DAB1: variants seen among roughly 807,000 people sequenced by gnomAD.
DAB1 encodes DAB adaptor protein 1.
A neutral mutation model predicts 64.6 loss-of-function variants in DAB1; 15 were observed. That is an observed-to-expected ratio of 0.23 (90% CI 0.16 to 0.36). DAB1 has a LOEUF of 0.36. Among genes scored for constraint, DAB1 ranks in the 10% least tolerant of loss-of-function variants. The probability of loss-of-function intolerance (pLI) is 1.00; values close to 1 mark genes in which losing one functional copy is unlikely to be tolerated. For synonymous variants in DAB1, 235 were observed against 251.9 expected (o/e 0.93, Z 0.64); for missense variants, 596 against 706.7 (o/e 0.84, Z 1.78).
chr1:58,474,855 G>T (rs1022841162), intron 3 of DAB1, among the ~76,000 whole-genome samples: 3 of 152,176 alleles, frequency 2.0e-5, no homozygotes, highest in African/African-American at 7.2e-5. Flanking sequence ...TGTGACCTCG[G>T]TAAAGTTACA....
At chr1:57,335,307 C>T (rs1385327649) in intron 1 of DAB1, among the ~76,000 whole-genome samples, 1 of 151,774 alleles carries the variant, frequency 6.6e-6, no homozygotes, top group East Asian at 1.9e-4. Context: ...AAAAATGGGT[C>T]TTCAATCATT....
At chr1:58,074,743 G>A (rs1557639136) in intron 5 of DAB1, among the ~76,000 whole-genome samples, 1 of 151,652 alleles carries the variant, frequency 6.6e-6, no homozygotes, top group Non-Finnish European at 1.5e-5. Flanking sequence ...CCAGTATGAA[G>A]TGTTTAGATT....
intron 5 of DAB1, among the ~76,000 whole-genome samples, chr1:58,139,908 G>T (rs1654179638): frequency 6.6e-6 from 1 of 152,104 alleles, no homozygotes; most frequent in Non-Finnish European, 1.5e-5. Flanking sequence ...CTCAATAGTG[G>T]AAACTATATT....
At chr1:57,841,868 T>A (rs1367515508) in intron 1 of DAB1, among the ~76,000 whole-genome samples, 2 of 152,232 alleles carry the variant, frequency 1.3e-5, no homozygotes, top group Admixed American at 6.5e-5. Context: ...GTCTTGGCAA[T>A]TAACATTTGG....
intron 2 of DAB1, among the ~76,000 whole-genome samples, chr1:58,510,043 A>T (rs547590732): frequency 6.6e-6 from 1 of 152,280 alleles, no homozygotes; most frequent in East Asian, 1.9e-4. Flanking sequence ...CTCACTGGTG[A>T]ATGCCACCAA....
At chr1:58,017,508 A>G (rs1646758339) in intron 5 of DAB1, among the ~76,000 whole-genome samples, 1 of 152,192 alleles carries the variant, frequency 6.6e-6, no homozygotes, top group Non-Finnish European at 1.5e-5. Flanking sequence ...CTGCCCTGTC[A>G]TCTTCCTCTC....
In DAB1 at chr1:57,072,341, C is replaced by T; in HGVS notation, c.380G>A (p.Gly127Glu). 6.2e-7 allele frequency: 1 copy of T among 1,613,916 alleles called. No homozygotes were observed. The highest frequency in any genetic ancestry group is 8.5e-7 in the Non-Finnish European group (1 of 1,179,862). Residue 127 changes from glycine to glutamate, a missense_variant, in exon 5 of 15, where the codon GGA becomes GAA. Coordinates refer to ENST00000371236, the MANE Select transcript of DAB1 (RefSeq NM_001365792.1). ...AKDITDHRAF[G>E]YVCGKEGNHR... ...ATTCCCTTCCTTCCCACAAACATATCCAAAGGCCCGGTGATCTGTAATGTC... is the reference window on the plus strand; with the variant it reads ...ATTCCCTTCCTTCCCACAAACATATTCAAAGGCCCGGTGATCTGTAATGTC...
At chr1:57,280,336 T>A (rs1353554358) in intron 2 of DAB1, among the ~76,000 whole-genome samples, 1 of 152,186 alleles carries the variant, frequency 6.6e-6, no homozygotes, top group African/African-American at 2.4e-5. Context: ...CTTGCAAACA[T>A]GTGTACTCTG....
chr1:57,840,118 T>C (rs527267003), intron 1 of DAB1, among the ~76,000 whole-genome samples: 30 of 152,210 alleles, frequency 2.0e-4, no homozygotes, highest in Non-Finnish European at 3.7e-4. Context: ...TGTTATGCCA[T>C]GGGCTTTCTC....
chr1:58,544,290 G>A (rs1231977973), intron 1 of DAB1, among the ~76,000 whole-genome samples: 1 of 152,086 alleles, frequency 6.6e-6, no homozygotes, highest in African/African-American at 2.4e-5. Flanking sequence ...AATGTTTAAT[G>A]AGTGCCCACT....
chr1:58,044,149 T>C (rs899475555), intron 5 of DAB1, among the ~76,000 whole-genome samples: 2 of 152,170 alleles, frequency 1.3e-5, no homozygotes, highest in African/African-American at 4.8e-5. Flanking sequence ...TCTTTTTGAG[T>C]TTCTGATTAT....
intron 6 of DAB1, among the ~76,000 whole-genome samples, chr1:57,816,345 C>G (rs2101890629): frequency 6.6e-6 from 1 of 152,300 alleles, no homozygotes; most frequent in South Asian, 2.1e-4. Flanking sequence ...CAACACCTTC[C>G]TCTAGTTGTT....
chr1:58,357,081 A>G (rs1453827653), intron 3 of DAB1, among the ~76,000 whole-genome samples: 1 of 151,964 alleles, frequency 6.6e-6, no homozygotes, highest in Non-Finnish European at 1.5e-5. Context: ...TCTAGATGAA[A>G]TGTGAAGCCA....
intron 1 of DAB1, among the ~76,000 whole-genome samples, chr1:57,833,108 A>G (rs1183267571): frequency 6.6e-6 from 1 of 151,552 alleles, no homozygotes; most frequent in African/African-American, 2.4e-5. Context: ...CTTTTCTAGG[A>G]TATTTGTAAG....
At chr1:58,046,785 G>C (rs1353571041) in intron 5 of DAB1, among the ~76,000 whole-genome samples, 1 of 152,192 alleles carries the variant, frequency 6.6e-6, no homozygotes, top group East Asian at 1.9e-4. Context: ...GTAGAACAGA[G>C]CTCCTGCCAT....
intron 5 of DAB1, among the ~76,000 whole-genome samples, chr1:57,890,733 T>G (rs1051307683): frequency 6.6e-6 from 1 of 152,190 alleles, no homozygotes; most frequent in African/African-American, 2.4e-5. Flanking sequence ...TGAGTCACCA[T>G]GTCTTTCTAT....
chr1:57,943,719 T>C (rs936054879), intron 5 of DAB1, among the ~76,000 whole-genome samples: 13 of 152,172 alleles, frequency 8.5e-5, no homozygotes, highest in Non-Finnish European at 1.9e-4. Context: ...AACAATTCTT[T>C]AGACATGAGA....
chr1:57,172,241 A>G (rs761176220), intron 2 of DAB1, among the ~76,000 whole-genome samples: 5 of 152,172 alleles, frequency 3.3e-5, no homozygotes, highest in Non-Finnish European at 5.9e-5. Context: ...CTATTTCCAA[A>G]TAAGGTCACA....
chr1:57,612,523 T>G (rs1327133763), intron 7 of DAB1, among the ~76,000 whole-genome samples: 1 of 152,048 alleles, frequency 6.6e-6, no homozygotes, highest in Non-Finnish European at 1.5e-5. Context: ...AGAGAAAAGA[T>G]GCTATGCTGC....
Sources: gnomAD v4.1 joint callset for allele counts (sites outside exome capture counted in the v4.1 genomes callset) on GRCh38, gnomAD v4.1.1 for gene constraint, MANE v1.5 for transcripts, NCBI Gene and HGNC (gene_info 2026-07-23, HGNC 2026-07-21) for gene names.